Variants in CDH13 observed in about 807,000 individuals in gnomAD.
CDH13 encodes cadherin-13.
In CDH13, 24 loss-of-function variants were observed where a neutral mutation model predicts 63.8. The observed-to-expected ratio is 0.38, with a 90% CI of 0.27 to 0.53. CDH13 has a LOEUF of 0.53. Among genes scored for constraint, CDH13 ranks in the 20% least tolerant of loss-of-function variants. The pLI, the probability that CDH13 is intolerant of heterozygous loss-of-function variation, is 0.85. For missense variants in CDH13, 1,049 were observed against 903.1 expected, an observed-to-expected ratio of 1.16 and a Z score of -2.07; for synonymous variants, 503 against 355.3, an observed-to-expected ratio of 1.42 and a Z score of -4.67.
At chr16:83,037,050 C>T (rs1293303685) in intron 3 of CDH13, among the ~76,000 whole-genome samples, 1 of 152,158 alleles carries the variant, frequency 6.6e-6, no homozygotes, top group Non-Finnish European at 1.5e-5. Context: ...GGTTCTTAAG[C>T]AGAGAAACAG....
intron 2 of CDH13, among the ~76,000 whole-genome samples, chr16:82,990,835 C>A (rs922707589): frequency 6.6e-5 from 10 of 152,020 alleles, no homozygotes; most frequent in African/African-American, 2.4e-4. Context: ...GCCACTGTGC[C>A]CCACAGTATA....
chr16:83,178,229 C>G (rs967070078), intron 4 of CDH13, among the ~76,000 whole-genome samples: 1 of 152,066 alleles, frequency 6.6e-6, no homozygotes, highest in African/African-American at 2.4e-5. Flanking sequence ...CCGTCCTGTG[C>G]TTATAAAAGG....
intron 4 of CDH13, among the ~76,000 whole-genome samples, chr16:83,194,557 C>T (rs2038818702): frequency 6.6e-6 from 1 of 152,220 alleles, no homozygotes; most frequent in Non-Finnish European, 1.5e-5. Context: ...TCTCCTGTAA[C>T]AGCCATTTCT....
chr16:83,598,817 G>A (rs1323943204), intron 7 of CDH13, among the ~76,000 whole-genome samples: 2 of 152,160 alleles, frequency 1.3e-5, no homozygotes, highest in Non-Finnish European at 2.9e-5. Flanking sequence ...TGTGGTTACA[G>A]GTGGCCACTA....
At chr16:82,781,650 G>T (rs2035759630) in intron 1 of CDH13, among the ~76,000 whole-genome samples, 1 of 151,980 alleles carries the variant, frequency 6.6e-6, no homozygotes, top group South Asian at 2.1e-4. Context: ...CTACCTATCA[G>T]TCCATCTATC....
chr16:83,443,021 C>A (rs546005057), intron 6 of CDH13, among the ~76,000 whole-genome samples: 1 of 152,300 alleles, frequency 6.6e-6, no homozygotes, highest in Non-Finnish European at 1.5e-5. Context: ...AAATAAAGCC[C>A]ACCAAAATAC....
intron 1 of CDH13, among the ~76,000 whole-genome samples, chr16:82,688,199 T>C (rs1166027946): frequency 6.6e-6 from 1 of 152,158 alleles, no homozygotes; most frequent in Non-Finnish European, 1.5e-5. Flanking sequence ...CGTCCAACAC[T>C]GGTATAGCCT....
At chr16:83,592,512 C>G (rs1024402362) in intron 7 of CDH13, among the ~76,000 whole-genome samples, 6 of 152,144 alleles carry the variant, frequency 3.9e-5, no homozygotes, top group Non-Finnish European at 8.8e-5. Context: ...TCCAGGGGTT[C>G]TAGGAACGCC....
chr16:83,216,429 T>TAAAA (rs1555513903), intron 4 of CDH13, among the ~76,000 whole-genome samples: 1 of 105,696 alleles, frequency 9.5e-6, no homozygotes, highest in African/African-American at 3.3e-5. Flanking sequence ...TATATATATA[T>TAAAA]ATATATATAT....
At chr16:83,001,590 C>T (rs1597387269) in intron 2 of CDH13, among the ~76,000 whole-genome samples, 1 of 152,162 alleles carries the variant, frequency 6.6e-6, no homozygotes, top group East Asian at 1.9e-4. Context: ...TTATGTAAAT[C>T]AGTAGAGTTC....
At chr16:82,979,975 C>A (rs547884447) in intron 2 of CDH13, among the ~76,000 whole-genome samples, 1 of 152,116 alleles carries the variant, frequency 6.6e-6, no homozygotes, top group Admixed American at 6.5e-5. Flanking sequence ...AGATGACTCA[C>A]TGAAATTTAA....
At chr16:83,511,038 A>G (rs2074544493) in intron 7 of CDH13, among the ~76,000 whole-genome samples, 1 of 149,530 alleles carries the variant, frequency 6.7e-6, no homozygotes, top group African/African-American at 2.5e-5. Flanking sequence ...ACACGCACGC[A>G]TGCACACGTG....
At chr16:83,057,002 C>G (rs1434132267) in intron 3 of CDH13, among the ~76,000 whole-genome samples, 1 of 152,136 alleles carries the variant, frequency 6.6e-6, no homozygotes, top group Admixed American at 6.5e-5. Flanking sequence ...GAGTCTCACT[C>G]TGTCGCCAGT....
At chr16:83,661,616 T>C (rs1277103947) in intron 8 of CDH13, among the ~76,000 whole-genome samples, 8 of 152,244 alleles carry the variant, frequency 5.3e-5, no homozygotes, top group Admixed American at 1.3e-4. Flanking sequence ...TGCTTTGTTA[T>C]GCAAGCCTCT....
At chr16:82,634,160 T>G (rs1908366922) in intron 1 of CDH13, among the ~76,000 whole-genome samples, 1 of 152,240 alleles carries the variant, frequency 6.6e-6, no homozygotes, top group African/African-American at 2.4e-5. Flanking sequence ...TCAACAGCCC[T>G]GCCACATGCC....
intron 1 of CDH13, among the ~76,000 whole-genome samples, chr16:82,750,745 T>G (rs2151069254): frequency 6.6e-6 from 1 of 152,238 alleles, no homozygotes; most frequent in Middle Eastern, 3.4e-3. Flanking sequence ...CTGGAGCTTA[T>G]TAAGATTGAA....
At chr16:83,181,045 C>A in intron 4 of CDH13, 1 of 1,486,662 alleles carries the variant, frequency 6.7e-7, no homozygotes, top group South Asian at 1.3e-5. Flanking sequence ...ATTTCAAATC[C>A]ATTTTCTCTA....
chr16:83,711,860 C>T (rs1908104611), intron 10 of CDH13, among the ~76,000 whole-genome samples: 1 of 152,192 alleles, frequency 6.6e-6, no homozygotes, highest in South Asian at 2.1e-4. Flanking sequence ...CATTCTTTCT[C>T]CAGGGTTGCC....
intron 1 of CDH13, among the ~76,000 whole-genome samples, chr16:82,647,331 C>G (rs941172667): frequency 2.0e-5 from 3 of 152,184 alleles, no homozygotes; most frequent in African/African-American, 7.2e-5. Context: ...TTGTGAGTGA[C>G]TTGGCTGTAA....
Sources: gnomAD v4.1 joint callset for allele counts (sites outside exome capture counted in the v4.1 genomes callset) on GRCh38, gnomAD v4.1.1 for gene constraint, MANE v1.5 for transcripts, NCBI Gene and HGNC (gene_info 2026-07-23, HGNC 2026-07-21) for gene names.